SS18L1: variants seen among roughly 807,000 people sequenced by gnomAD.
SS18L1 encodes the protein SS18L1 subunit of BAF chromatin remodeling complex.
SS18L1 carries 32 observed loss-of-function variants against 70.3 expected under a neutral mutation model. The observed-to-expected ratio is 0.46, with a 90% CI of 0.34 to 0.61. The LOEUF (loss-of-function observed/expected upper bound fraction) is 0.61, where lower values mean the gene tolerates loss of function less well. Ranked by LOEUF, SS18L1 falls within the 20% of genes least tolerant of loss-of-function variation. The pLI is 0.01. For missense variants in SS18L1, 430 were observed against 542.1 expected (o/e 0.79, Z 2.05); for synonymous variants, 237 against 229.7 (o/e 1.03, Z -0.29).
chr20:62,151,868 G>T (rs576086629), intron 1 of SS18L1, among the ~76,000 whole-genome samples: 22 of 104,994 alleles, frequency 2.1e-4, no homozygotes, highest in South Asian at 3.2e-4. Context: ...CCGCTCCCCA[G>T]AGCTGGCCTT....
Position 62,161,469 on chromosome 20 carries a change from G to T in SS18L1, c.265G>T (p.Ala89Ser), listed in dbSNP as rs756070718. 6.2e-7 allele frequency: 1 copy of T among 1,612,918 alleles called. No homozygotes were observed. Among genetic ancestry groups the T allele is most frequent in the Non-Finnish European group, 8.5e-7 (1 of 1,180,012 alleles). The part of the protein sequence containing the change: ...PTQNMNLGPG[A>S]LTQSGSSQGL... Reference sequence around the variant, plus strand: ...GCAGAACATGAACCTGGGCCCTGGAGCCCTGACTCAGAGCGGCTCCAGCCA... The same window carrying T: ...GCAGAACATGAACCTGGGCCCTGGATCCCTGACTCAGAGCGGCTCCAGCCA... The change falls in exon 4 of 11, where the codon GCC becomes TCC. Residue 89 changes from alanine to serine, a missense_variant. Ala to Ser is a moderately conservative substitution (Grantham distance 99). Transcript: ENST00000331758. This position sits in a 1 kb window ranked among gnomAD's most constrained non-coding sequence, Gnocchi z 4.4.
intron 1 of SS18L1, among the ~76,000 whole-genome samples, chr20:62,148,044 C>T (rs1050344469): frequency 2.6e-5 from 4 of 152,172 alleles, no homozygotes; most frequent in Non-Finnish European, 5.9e-5. Flanking sequence ...TTGGGGATGC[C>T]GAGCCTCCCT....
Position 62,174,270 on chromosome 20 carries a change from G to C in SS18L1, c.1037-247G>C, listed in dbSNP as rs1484919409. 1.3e-5 allele frequency among the ~76,000 whole-genome samples: 2 copies of C among 152,028 alleles called. No individual in the cohort carries two copies. Among genetic ancestry groups the C allele is most frequent in the African/African-American group, 4.8e-5 (2 of 41,402 alleles). On this transcript the variant is annotated intron_variant, in intron 9 of 10. Transcript: ENST00000331758. This position sits in a 1 kb window ranked among gnomAD's most constrained non-coding sequence, Gnocchi z 4.1. Reference sequence around the variant, plus strand: ...TCGCCATGCTGGTGGGGGGCCTGGGGCACAGTCCTGGGACCTCACAGGACT... The same window carrying C: ...TCGCCATGCTGGTGGGGGGCCTGGGCCACAGTCCTGGGACCTCACAGGACT...
intron 8 of SS18L1, among the ~76,000 whole-genome samples, chr20:62,167,034 G>GTTTTTTTTTTTTTTTTTTTT (rs1235961398): frequency 8.1e-6 from 1 of 123,496 alleles, no homozygotes; most frequent in East Asian, 2.6e-4. Context: ...GAGCTCAGGA[G>GTTTTTTTTTTTTTTTTTTTT]TTTGTTTGTT....
At chr20:62,165,947 G>A (rs1165275851) in intron 8 of SS18L1, among the ~76,000 whole-genome samples, 1 of 152,210 alleles carries the variant, frequency 6.6e-6, no homozygotes, top group Non-Finnish European at 1.5e-5. Flanking sequence ...GTGTGGCCTC[G>A]CGTTTCTTCA....
rs373094719 is a variant in SS18L1 at position 62,179,273 on chromosome 20, G to A, written c.*65G>A. On this transcript the variant is annotated 3_prime_UTR_variant, in exon 11 of 11. Transcript: ENST00000331758. ...TCATCCAGGGGCCGGATGGGCTGGC[G>A]GCAGCTCTGGTGAATTGTGACATGT... The A allele has an allele frequency of 1.2e-4, 193 of 1,581,552 alleles. No homozygotes were observed. The highest frequency in any genetic ancestry group is 9.5e-4 in the African/African-American group (71 of 74,380).
At position 62,181,621 on chromosome 20, in the gene SS18L1, T is replaced by A. The variant is rs2057711030; in HGVS notation, c.*2413T>A. 1 of 212,822 alleles carries A rather than the reference T, an allele frequency of 4.7e-6. No homozygotes were observed. The highest frequency in any genetic ancestry group is 9.5e-6 in the Non-Finnish European group (1 of 105,040). 13.2% of individuals were successfully genotyped at this position (212,822 alleles called of 1,614,324 possible). On this transcript the variant is annotated 3_prime_UTR_variant, in exon 11 of 11. Coordinates refer to ENST00000331758, the MANE Select transcript of SS18L1 (RefSeq NM_198935.3). ...TTTAAAAAGCACTTTGCAAAATAGTTTGTACATTTATTTCCTAATTTATAC... is the reference window on the plus strand; with the variant it reads ...TTTAAAAAGCACTTTGCAAAATAGTATGTACATTTATTTCCTAATTTATAC...
At chr20:62,147,786 C>T (rs1241970362) in intron 1 of SS18L1, among the ~76,000 whole-genome samples, 2 of 151,922 alleles carry the variant, frequency 1.3e-5, no homozygotes, top group Admixed American at 6.6e-5. Context: ...GCCCAGGGTC[C>T]GAGAGCCAGG....
chr20:62,175,956 C>T (rs546015797), intron 10 of SS18L1, among the ~76,000 whole-genome samples: 15 of 152,382 alleles, frequency 9.8e-5, no homozygotes, highest in Middle Eastern at 3.4e-3. Context: ...GGGGCCGCCT[C>T]TCCCCAGTGT....
chr20:62,181,906 ATTC>A lies in SS18L1; in HGVS notation c.*2705_*2707del, dbSNP rs1439180969. On this transcript the variant is annotated 3_prime_UTR_variant, in exon 11 of 11. Transcript: ENST00000331758. ...AAGGAAGACATGAAAATTGACGCTC[ATTC>A]TTCTTCCTATTGTTCCCTGACATCC... 8 of 228,508 alleles carry A rather than the reference ATTC, an allele frequency of 3.5e-5. No homozygotes were observed. Among genetic ancestry groups the A allele is most frequent in the Non-Finnish European group, 6.9e-5 (8 of 115,254 alleles). The allele number at this position is 228,508 out of a possible 1,614,324, so 14.2% of individuals were successfully genotyped here. A position where few individuals can be genotyped will look rare whatever the true frequency, so the allele number is the denominator to read the frequency against.
chr20:62,151,821 G>A (rs1357674082), intron 1 of SS18L1, among the ~76,000 whole-genome samples: 8 of 116,062 alleles, frequency 6.9e-5, no homozygotes, highest in Admixed American at 4.7e-4. Flanking sequence ...CTCTTTTCCC[G>A]CTCCCCATAG....
intron 10 of SS18L1, among the ~76,000 whole-genome samples, chr20:62,178,811 C>G (rs187748915): frequency 6.6e-6 from 1 of 152,190 alleles, no homozygotes; most frequent in Non-Finnish European, 1.5e-5. Flanking sequence ...TGGTCGTCCC[C>G]GCTCCCATTT....
At chr20:62,168,225 CAGAT>C (rs987047001) in intron 8 of SS18L1, among the ~76,000 whole-genome samples, 1 of 152,092 alleles carries the variant, frequency 6.6e-6, no homozygotes, top group African/African-American at 2.4e-5. Context: ...GCCAGTAAGA[CAGAT>C]GGTGTGGTTT....
chr20:62,171,177 C>T (rs2057525306), intron 8 of SS18L1, among the ~76,000 whole-genome samples: 1 of 152,192 alleles, frequency 6.6e-6, no homozygotes, highest in South Asian at 2.1e-4. Flanking sequence ...GCTGGGATTA[C>T]AGGCGTGAGC....
intron 7 of SS18L1, among the ~76,000 whole-genome samples, chr20:62,164,850 C>T (rs1165521592): frequency 1.3e-5 from 2 of 152,182 alleles, no homozygotes; most frequent in Admixed American, 6.5e-5. Context: ...GCCATGATCG[C>T]ACCACCACAC....
intron 1 of SS18L1, among the ~76,000 whole-genome samples, chr20:62,149,198 C>T (rs1600988654): frequency 1.3e-5 from 2 of 152,194 alleles, no homozygotes; most frequent in Non-Finnish European, 2.9e-5. Flanking sequence ...CCCTGGGTGC[C>T]GAGCAGTTAG....
rs1285048867 is a variant in SS18L1 at position 62,164,128 on chromosome 20, A to G, written c.722-17A>G. The G allele has an allele frequency of 3.2e-6, 5 of 1,547,242 alleles. No homozygotes were observed. Among genetic ancestry groups the G allele is most frequent in the South Asian group, 1.2e-5 (1 of 83,820 alleles). On this transcript the variant is annotated splice_polypyrimidine_tract_variant and intron_variant, in intron 6 of 10. Transcript: ENST00000331758. Reference sequence around the variant, plus strand: ...AGGGCGCGGCCCGCACTGGCGCTGAATGTGGTTCCCCCGCAGGCTCTTCCC... The same window carrying G: ...AGGGCGCGGCCCGCACTGGCGCTGAGTGTGGTTCCCCCGCAGGCTCTTCCC...
chr20:62,161,667 C>A lies in SS18L1; in HGVS notation c.376+87C>A, dbSNP rs1416629164. 2.6e-6 allele frequency: 4 copies of A among 1,514,006 alleles called. No individual in the cohort carries two copies. Among genetic ancestry groups the A allele is most frequent in the East Asian group, 2.4e-5 (1 of 42,298 alleles). The allele number at this position is 1,514,006 out of a possible 1,614,324, so 93.8% of individuals were successfully genotyped here. A position where few individuals can be genotyped will look rare whatever the true frequency, so the allele number is the denominator to read the frequency against. The stretch of plus-strand genomic sequence containing the variant: ...AGCCGGCTGCCATGGTGGGGCACCC[C>A]ACCCCTCACAGGGCTGGGCATGGGA... On this transcript the variant is annotated intron_variant, in intron 4 of 10. Transcript: ENST00000331758. This position sits in a 1 kb window ranked among gnomAD's most constrained non-coding sequence, Gnocchi z 4.4.
chr20:62,170,386 G>C (rs1406388316), intron 8 of SS18L1, among the ~76,000 whole-genome samples: 2 of 152,190 alleles, frequency 1.3e-5, no homozygotes, highest in Non-Finnish European at 2.9e-5. Context: ...GGCGCCTGTT[G>C]TCCCAGCTAC....
Sources: allele counts gnomAD v4.1 joint callset (sites outside exome capture counted in the v4.1 genomes callset), GRCh38; gene constraint gnomAD v4.1.1; non-coding constraint Gnocchi (gnomAD v3.1); transcripts MANE v1.5; gene names NCBI Gene and HGNC (gene_info 2026-07-23, HGNC 2026-07-21).